The following LOXL3 variants were observed in gnomAD, a reference collection of about 807,000 sequenced individuals.
LOXL3 encodes the protein lysyl oxidase homolog 3.
In LOXL3, 60 loss-of-function variants were observed where a neutral mutation model predicts 91.8. The observed-to-expected ratio is 0.65, with a 90% CI of 0.53 to 0.81. The LOEUF is 0.81. Ranked by LOEUF, LOXL3 falls within the 30% of genes least tolerant of loss-of-function variation. The pLI, the probability that LOXL3 is intolerant of heterozygous loss-of-function variation, is 0.00. For missense variants in LOXL3, 874 were observed against 1,000.4 expected (o/e 0.87, Z 1.70); for synonymous variants, 355 against 387.6 (o/e 0.92, Z 0.99).
At position 74,533,389 on chromosome 2, in the gene LOXL3, C is replaced by G. The variant is rs1321807462; in HGVS notation, c.*217G>C. 1.8e-6 allele frequency: 1 copy of G among 569,672 alleles called. No individual in the cohort carries two copies. The highest frequency in any genetic ancestry group is 1.9e-5 in the African/African-American group (1 of 53,178). 35.3% of individuals were successfully genotyped at this position (569,672 alleles called of 1,614,324 possible). On this transcript the variant is annotated 3_prime_UTR_variant, in exon 14 of 14. Coordinates refer to ENST00000264094, the MANE Select transcript of LOXL3 (RefSeq NM_032603.5). ...GGGCTCTGGTCTGTTCTGCTCGGTG[C>G]TGGGCCTGGGAGCAAAGATTCCCAT...
At chr2:74,547,827 A>C (rs555464866) in intron 4 of LOXL3, among the ~76,000 whole-genome samples, 11 of 152,242 alleles carry the variant, frequency 7.2e-5, no homozygotes, top group Admixed American at 3.3e-4. Flanking sequence ...GTAAAAATAG[A>C]CTCAAACTAC....
intron 4 of LOXL3, among the ~76,000 whole-genome samples, chr2:74,542,676 A>G (rs1676392650): frequency 6.7e-6 from 1 of 148,588 alleles, no homozygotes; most frequent in Non-Finnish European, 1.5e-5. Context: ...CTCAGGCTGG[A>G]GTGCAGTGGT....
Position 74,535,528 on chromosome 2 carries a change from C to T in LOXL3, c.1416+60G>A. ...GGGCCAAGGGACTCATTCCTCAGCC[C>T]TCTGCCCAAAACACAGGCTTTGAGA... On this transcript the variant is annotated intron_variant, in intron 8 of 13. Transcript: ENST00000264094. The surrounding 1 kb of genome is among the most constrained non-coding windows in gnomAD (Gnocchi z 4.2). 1.2e-6 allele frequency: 2 copies of T among 1,611,864 alleles called. No individual in the cohort carries two copies. The highest frequency in any genetic ancestry group is 1.7e-6 in the Non-Finnish European group (2 of 1,179,780).
At position 74,543,899 on chromosome 2, in the gene LOXL3, T is replaced by TAAAAAAAAAAAAAAAAAAA. The variant is rs1352260802; in HGVS notation, c.692+5469_692+5470insTTTTTTTTTTTTTTTTTTT. ...CTGGGTGACAAAGCAAGGCTCTGTCTCAAAAAAAAAAAAAAAAAAAAAAAG... is the reference window on the plus strand; with the variant it reads ...CTGGGTGACAAAGCAAGGCTCTGTCTAAAAAAAAAAAAAAAAAAACAAAAAAAAAAAAAAAAAAAAAAAG... On this transcript the variant is annotated intron_variant, in intron 4 of 13. Coordinates refer to ENST00000264094, the MANE Select transcript of LOXL3 (RefSeq NM_032603.5). Among the ~76,000 whole-genome samples, 11 of 49,302 alleles carry TAAAAAAAAAAAAAAAAAAA rather than the reference T, an allele frequency of 2.2e-4. No homozygotes were observed. In the East Asian group the frequency reaches 2.8e-3, roughly 13 times the overall value. 32.3% of individuals were successfully genotyped at this position (49,302 alleles called of 152,430 possible).
At position 74,549,992 on chromosome 2, in the gene LOXL3, C is replaced by G; in HGVS notation, c.477+193G>C. Reference sequence around the variant, plus strand: ...CTGGAGAGGCTCATGCCAGGTTTAGCCCCTTGAATGTGAATGCTAAAAACC... The same window carrying G: ...CTGGAGAGGCTCATGCCAGGTTTAGGCCCTTGAATGTGAATGCTAAAAACC... On this transcript the variant is annotated intron_variant, in intron 3 of 13. Transcript: ENST00000264094. The surrounding 1 kb of genome is among the most constrained non-coding windows in gnomAD (Gnocchi z 5.3). 1 of 985,408 alleles carries G rather than the reference C, an allele frequency of 1.0e-6. No homozygotes were observed. Among genetic ancestry groups the G allele is most frequent in the South Asian group, 4.7e-5 (1 of 21,282 alleles). 61.0% of individuals were successfully genotyped at this position (985,408 alleles called of 1,614,324 possible). A position where few individuals can be genotyped will look rare whatever the true frequency, so the allele number is the denominator to read the frequency against.
chr2:74,539,229 A>T (rs2104407771), intron 4 of LOXL3, among the ~76,000 whole-genome samples: 1 of 152,316 alleles, frequency 6.6e-6, no homozygotes, highest in Non-Finnish European at 1.5e-5. Context: ...GGCGCAGGAA[A>T]GGTACAGGGT....
At chr2:74,542,234 A>C (rs1676365723) in intron 4 of LOXL3, among the ~76,000 whole-genome samples, 1 of 152,360 alleles carries the variant, frequency 6.6e-6, no homozygotes, top group Admixed American at 6.5e-5. Flanking sequence ...TCGAGGTTGC[A>C]GTGAGCCATG....
At chr2:74,537,783 G>C (rs1418862550) in intron 4 of LOXL3, among the ~76,000 whole-genome samples, 2 of 152,176 alleles carry the variant, frequency 1.3e-5, no homozygotes, top group African/African-American at 4.8e-5. Context: ...GAGAGAATGG[G>C]GGGACTTCTT....
chr2:74,554,690 GGCCCCGCCTCCC>G (rs1033413028), upstream of LOXL3: 84 of 1,538,708 alleles, frequency 5.5e-5, no homozygotes, highest in Admixed American at 2.4e-4. This position sits in a 1 kb window ranked among gnomAD's most constrained non-coding sequence, Gnocchi z 4.9. Flanking sequence ...CAGGGAACCC[GGCCCCGCCTCCC>G]GCCCCGCCTC....
chr2:74,534,901 T>G, intron 9 of LOXL3, 127 bp from the exon 10 acceptor site: 1 of 1,117,004 alleles, frequency 9.0e-7, no homozygotes, highest in Non-Finnish European at 1.3e-6. Context: ...TTGTTTGAGA[T>G]GGAGTCTCAC....
Position 74,535,583 on chromosome 2 carries a change from C to T in LOXL3, c.1416+5G>A. The T allele has an allele frequency of 1.2e-6, 2 of 1,613,890 alleles. No individual in the cohort carries two copies. The highest frequency in any genetic ancestry group is 1.7e-6 in the Non-Finnish European group (2 of 1,180,008). ...AGCCTCGGCTCCCCTTTCCTTCCCACTCACCTGCAGGCCGTGGTTGGCGTA... is the reference window on the plus strand; with the variant it reads ...AGCCTCGGCTCCCCTTTCCTTCCCATTCACCTGCAGGCCGTGGTTGGCGTA... On this transcript the variant is annotated splice_donor_5th_base_variant and intron_variant, in intron 8 of 13. Coordinates refer to ENST00000264094, the MANE Select transcript of LOXL3 (RefSeq NM_032603.5). The surrounding 1 kb of genome is among the most constrained non-coding windows in gnomAD (Gnocchi z 4.2).
chr2:74,555,069 A>C (rs910643946), upstream of LOXL3: 1 of 1,498,962 alleles, frequency 6.7e-7, no homozygotes, highest in Non-Finnish European at 8.9e-7. This position sits in a 1 kb window ranked among gnomAD's most constrained non-coding sequence, Gnocchi z 6.1. Context: ...TCCCAAATCG[A>C]CTTGCGCCGC....
intron 4 of LOXL3, among the ~76,000 whole-genome samples, chr2:74,537,145 T>TGG (rs374461583): frequency 1.3e-5 from 2 of 152,160 alleles, no homozygotes; most frequent in African/African-American, 4.8e-5. Context: ...GGAGGGGCCT[T>TGG]GGGGACCTCC....
Position 74,533,230 on chromosome 2 carries a change from G to A in LOXL3, c.*376C>T. 1.8e-6 allele frequency: 1 copy of A among 566,964 alleles called. No individual in the cohort carries two copies. Among genetic ancestry groups the A allele is most frequent in the Non-Finnish European group, 3.1e-6 (1 of 319,586 alleles). The allele number at this position is 566,964 out of a possible 1,614,324, so 35.1% of individuals were successfully genotyped here. On this transcript the variant is annotated 3_prime_UTR_variant, in exon 14 of 14. Transcript: ENST00000264094. ...GCTGGATCTTTTCCCCCACCAAAAG[G>A]CTAGAGGTAAAGCTGTATCCCCCTA...
In LOXL3 at chr2:74,536,798, C is replaced by A. The variant is rs778411968; in HGVS notation, c.823G>T (p.Gly275Cys). Residue 275 changes from glycine (G) to cysteine (C), a missense_variant, in exon 5 of 14, where the codon GGC (glycine) becomes TGC (cysteine). Physicochemically the swap from Gly to Cys is radical, Grantham distance 159. Transcript: ENST00000264094. This position sits in a 1 kb window ranked among gnomAD's most constrained non-coding sequence, Gnocchi z 4.5. The part of the protein sequence containing the change: ...ANDTARCPGG[G>C]PAVVSCVPGP... ...GGCACACAGCTCACCACTGCAGGGC[C>A]CCCCCCAGGGCACCTGGCGGTGTCA... The A allele has an allele frequency of 1.9e-6, 3 of 1,614,058 alleles. No individual in the cohort carries two copies. Among genetic ancestry groups the A allele is most frequent in the Admixed American group, 1.7e-5 (1 of 60,008 alleles).
At chr2:74,541,861 A>C (rs1164699968) in intron 4 of LOXL3, among the ~76,000 whole-genome samples, 1 of 150,724 alleles carries the variant, frequency 6.6e-6, no homozygotes, top group African/African-American at 2.4e-5. Flanking sequence ...TTTATATATA[A>C]AATTATATAT....
chr2:74,548,438 C>T (rs1325751986), intron 4 of LOXL3, among the ~76,000 whole-genome samples: 1 of 152,152 alleles, frequency 6.6e-6, no homozygotes, highest in Non-Finnish European at 1.5e-5. Context: ...GTAATCCGAG[C>T]ACGCTTCAGT....
chr2:74,544,300 C>CA (rs922633376), intron 4 of LOXL3, among the ~76,000 whole-genome samples: 1 of 151,530 alleles, frequency 6.6e-6, no homozygotes, highest in Non-Finnish European at 1.5e-5. Context: ...GACTCCCTCT[C>CA]AAAAAAACAA....
In LOXL3 at chr2:74,533,209, G is replaced by C; in HGVS notation, c.*397C>G. ...AGTAAAAAATGAGGTGGGAGGGCTG[G>C]ATCTTTTCCCCCACCAAAAGGCTAG... On this transcript the variant is annotated 3_prime_UTR_variant, in exon 14 of 14. Coordinates refer to ENST00000264094, the MANE Select transcript of LOXL3 (RefSeq NM_032603.5). 1.7e-6 allele frequency: 1 copy of C among 578,848 alleles called. No individual in the cohort carries two copies. Among genetic ancestry groups the C allele is most frequent in the Non-Finnish European group, 3.1e-6 (1 of 327,464 alleles). The allele number at this position is 578,848 out of a possible 1,614,324, so 35.9% of individuals were successfully genotyped here. A position where few individuals can be genotyped will look rare whatever the true frequency, so the allele number is the denominator to read the frequency against.
Sources: gnomAD v4.1 joint callset for allele counts (sites outside exome capture counted in the v4.1 genomes callset) on GRCh38, gnomAD v4.1.1 for gene constraint, Gnocchi (gnomAD v3.1) non-coding constraint, MANE v1.5 for transcripts, NCBI Gene and HGNC (gene_info 2026-07-23, HGNC 2026-07-21) for gene names.